The following FLT1 variants were observed in gnomAD, a reference collection of about 807,000 sequenced individuals.
The protein encoded by FLT1 is fms related receptor tyrosine kinase 1.
A neutral mutation model predicts 156.3 loss-of-function variants in FLT1; 49 were observed. The ratio of observed to expected loss-of-function variants is 0.31; its 90% CI spans 0.25 to 0.40. The LOEUF is 0.40. Among genes scored for constraint, FLT1 ranks in the 10% least tolerant of loss-of-function variants. The pLI, the probability that FLT1 is intolerant of heterozygous loss-of-function variation, is 1.00. For synonymous variants in FLT1, 594 were observed against 583.8 expected (o/e 1.02, Z -0.25); for missense variants, 1,322 against 1,637.2 (o/e 0.81, Z 3.32).
Position 28,339,189 on chromosome 13 carries a change from C to T in FLT1, c.2467G>A (p.Ala823Thr), listed in dbSNP as rs758430941. The change falls in exon 17 of 30, where the codon GCC becomes ACC. Residue 823 changes from alanine to threonine, a missense_variant. By Grantham distance (58) the Ala-to-Thr change is moderately conservative. Around this residue, in one of 3 missense-constraint regions of FLT1, gnomAD observed 991 missense variants for 1,254.8 expected, o/e 0.79. Transcript: ENST00000282397. ...TTACCCAGTTTAAGTCTCTCCCGGG[C>T]AAACTCCCACTTGCTGGCATCATAA... ...LPYDASKWEF[A>T]RERLKLGKSL... is the part of the protein sequence containing the mutation. 6.2e-7 allele frequency: 1 copy of T among 1,614,136 alleles called. No homozygotes were observed. Among genetic ancestry groups the T allele is most frequent in the Non-Finnish European group, 8.5e-7 (1 of 1,180,026 alleles).
At chr13:28,324,808 C>G (rs1871608072) in intron 20 of FLT1, among the ~76,000 whole-genome samples, 1 of 152,208 alleles carries the variant, frequency 6.6e-6, no homozygotes, top group Admixed American at 6.5e-5. Context: ...AAAGTCACAG[C>G]CTAGGCATGT....
At chr13:28,443,533 T>G (rs59808554) in intron 3 of FLT1, among the ~76,000 whole-genome samples, 2,047 of 152,332 alleles carry the variant, frequency 0.013, 40 homozygotes, top group African/African-American at 0.047. Flanking sequence ...TATTTATGGT[T>G]TTTACAAAGT....
At chr13:28,474,398 T>C (rs1267073831) in intron 1 of FLT1, among the ~76,000 whole-genome samples, 2 of 151,878 alleles carry the variant, frequency 1.3e-5, no homozygotes, top group African/African-American at 4.8e-5. Context: ...GAGATTTCAG[T>C]GAGCTGAGAT....
At chr13:28,308,011 A>T (rs1435664127) in intron 28 of FLT1, among the ~76,000 whole-genome samples, 2 of 152,216 alleles carry the variant, frequency 1.3e-5, no homozygotes, top group East Asian at 3.9e-4. Context: ...TGACCTCGTG[A>T]TCCGCCTGCC....
chr13:28,355,917 A>C (rs1872881456), intron 15 of FLT1, among the ~76,000 whole-genome samples: 1 of 152,232 alleles, frequency 6.6e-6, no homozygotes, highest in African/African-American at 2.4e-5. Flanking sequence ...GCTTCTGAGA[A>C]ACCCACATCA....
chr13:28,406,269 T>C (rs1875796168), intron 10 of FLT1, among the ~76,000 whole-genome samples: 1 of 152,184 alleles, frequency 6.6e-6, no homozygotes, highest in Non-Finnish European at 1.5e-5. Flanking sequence ...AATCATACCA[T>C]TTTATATCTA....
At chr13:28,321,322 G>C in intron 23 of FLT1, 141 bp downstream of exon 23, 3 of 1,022,774 alleles carry the variant, frequency 2.9e-6, no homozygotes, top group Non-Finnish European at 4.5e-6. Flanking sequence ...CTGGGATGCC[G>C]CTCATCTGGA....
chr13:28,386,497 AC>A, intron 13 of FLT1: 1 of 1,049,134 alleles, frequency 9.5e-7, no homozygotes, highest in Non-Finnish European at 1.2e-6. Flanking sequence ...GCTCTGATGT[AC>A]AAAAACTTCT....
intron 14 of FLT1, among the ~76,000 whole-genome samples, chr13:28,362,635 A>G (rs528133630): frequency 6.6e-6 from 1 of 152,200 alleles, no homozygotes; most frequent in Non-Finnish European, 1.5e-5. Flanking sequence ...CCTGGGCAAC[A>G]TAATGAGACT....
At chr13:28,452,870 A>C (rs2137589906) in intron 3 of FLT1, among the ~76,000 whole-genome samples, 1 of 151,930 alleles carries the variant, frequency 6.6e-6, no homozygotes, top group African/African-American at 2.4e-5. Flanking sequence ...ATGACAATGA[A>C]GTGTAAAGGG....
rs141286646 is a variant in FLT1 at position 28,431,285 on chromosome 13, C to A, written c.839G>T (p.Arg280Leu). The A allele has an allele frequency of 6.2e-7, 1 of 1,613,570 alleles. No homozygotes were observed. The highest frequency in any genetic ancestry group is 1.1e-5 in the South Asian group (1 of 91,054). The change falls in exon 7 of 30, where the codon CGA becomes CTA. Residue 280 changes from arginine (R) to leucine (L), a missense_variant. Transcript: ENST00000282397. Reference protein sequence around the residue: ...DEKNKRASVRRRIDQSNSHAN... With the variant: ...DEKNKRASVRLRIDQSNSHAN... Reference sequence around the variant, plus strand: ...ATGGGAATTGCTTTGGTCAATTCGTCGCCTTACGGAAGCTCTCTTATTTTT... The same window carrying A: ...ATGGGAATTGCTTTGGTCAATTCGTAGCCTTACGGAAGCTCTCTTATTTTT...
chr13:28,434,439 T>C (rs1181269368), intron 4 of FLT1, among the ~76,000 whole-genome samples: 3 of 152,242 alleles, frequency 2.0e-5, no homozygotes, highest in Non-Finnish European at 4.4e-5. Context: ...TGATAAATTA[T>C]AGTAATTATG....
At chr13:28,422,959 A>G (rs1327539904) in intron 10 of FLT1, among the ~76,000 whole-genome samples, 1 of 152,118 alleles carries the variant, frequency 6.6e-6, no homozygotes. Context: ...TTAGAAACCA[A>G]CCAACCTCCT....
At chr13:28,405,640 A>G in intron 11 of FLT1, 140 bp downstream of exon 11, 2 of 685,574 alleles carry the variant, frequency 2.9e-6, no homozygotes, top group Non-Finnish European at 5.3e-6. Flanking sequence ...CCATGAAGAC[A>G]TAGCTCAGAT....
chr13:28,322,974 T>C lies in FLT1; in HGVS notation c.2797-28A>G, dbSNP rs1432808661. ...TTGAAGAGACCGAAAAGGACCCAGG[T>C]GAAAAGGAGCTCCAGCACAGCAGTG... On this transcript the variant is annotated intron_variant, in intron 20 of 29. Coordinates refer to ENST00000282397, the MANE Select transcript of FLT1 (RefSeq NM_002019.4). The surrounding 1 kb of genome is among the most constrained non-coding windows in gnomAD (Gnocchi z 4.3). 6.2e-7 allele frequency: 1 copy of C among 1,613,716 alleles called. No homozygotes were observed. Among genetic ancestry groups the C allele is most frequent in the Non-Finnish European group, 8.5e-7 (1 of 1,179,782 alleles).
In FLT1 at chr13:28,375,249, A is replaced by G. The variant is rs115650105; in HGVS notation, c.2116+9636T>C. 6.9e-3 allele frequency among the ~76,000 whole-genome samples: 1,046 copies of G among 152,340 alleles called. 12 individuals carry two copies. The highest frequency in any genetic ancestry group is 0.023 in the African/African-American group (963 of 41,574). ...CTATTGCTTTCCAATTCAAAATGGA[A>G]CTTTACTCATGGATTACTTTACTTT... On this transcript the variant is annotated intron_variant, in intron 14 of 29. Transcript: ENST00000282397.
intron 1 of FLT1, among the ~76,000 whole-genome samples, chr13:28,473,735 AAGGAAG>A (rs1566050317): frequency 1.3e-3 from 81 of 63,604 alleles, no homozygotes; most frequent in Middle Eastern, 5.1e-3. Flanking sequence ...AGAAAGAAGG[AAGGAAG>A]GAAGGAAGGA....
chr13:28,342,960 C>T (rs7997608), intron 16 of FLT1, among the ~76,000 whole-genome samples: 5 of 120,436 alleles, frequency 4.2e-5, no homozygotes, highest in African/African-American at 9.9e-5. Context: ...CTCTCTCTCT[C>T]TCTCTCTCTT....
chr13:28,452,310 C>CTTAA (rs1878990985), intron 3 of FLT1, among the ~76,000 whole-genome samples: 1 of 152,168 alleles, frequency 6.6e-6, no homozygotes, highest in Non-Finnish European at 1.5e-5. Context: ...AGTATGCAGC[C>CTTAA]TTAAACATGG....
Sources: allele counts gnomAD v4.1 joint callset (sites outside exome capture counted in the v4.1 genomes callset), GRCh38; gene constraint gnomAD v4.1.1; regional missense constraint gnomAD v4.1.1; non-coding constraint Gnocchi (gnomAD v3.1); transcripts MANE v1.5; gene names NCBI Gene and HGNC (gene_info 2026-07-23, HGNC 2026-07-21).